UST: variants seen among roughly 807,000 people sequenced by gnomAD.
UST encodes uronyl 2-sulfotransferase, also known as chondroitin sulfate 2-O-sulfotransferase.
UST carries 21 observed loss-of-function variants against 45.6 expected under a neutral mutation model. The ratio of observed to expected loss-of-function variants is 0.46; its 90% CI spans 0.33 to 0.66. The LOEUF (loss-of-function observed/expected upper bound fraction) is 0.66, where lower values mean the gene tolerates loss of function less well. Ranked by LOEUF, UST falls within the 30% of genes least tolerant of loss-of-function variation. The pLI is 0.02. For synonymous variants in UST, 215 were observed against 200.6 expected, an observed-to-expected ratio of 1.07 and a Z score of -0.61; for missense variants, 463 against 512.4, an observed-to-expected ratio of 0.90 and a Z score of 0.93.
intron 1 of UST, among the ~76,000 whole-genome samples, chr6:148,787,196 T>C (rs1039682941): frequency 7.2e-5 from 11 of 152,268 alleles, no homozygotes; most frequent in African/African-American, 2.2e-4. Context: ...GTGCAGAAGC[T>C]CTTTAGTTTA....
chr6:148,870,034 C>T (rs1778517999), intron 1 of UST, among the ~76,000 whole-genome samples: 1 of 151,800 alleles, frequency 6.6e-6, no homozygotes, highest in South Asian at 2.1e-4. Context: ...CCAAGGCCTA[C>T]TTAGTCCTCA....
At chr6:148,853,067 T>C (rs527822966) in intron 1 of UST, among the ~76,000 whole-genome samples, 7 of 152,234 alleles carry the variant, frequency 4.6e-5, no homozygotes, top group Admixed American at 2.6e-4. Flanking sequence ...ATCACGTAGG[T>C]ATTAAGCCCC....
At chr6:148,754,309 A>T (rs969824106) in intron 1 of UST, among the ~76,000 whole-genome samples, 12 of 152,086 alleles carry the variant, frequency 7.9e-5, no homozygotes, top group Non-Finnish European at 1.6e-4. Flanking sequence ...GATTTTCTTT[A>T]AAAAATTTAT....
At chr6:148,875,274 A>G (rs1778626219) in intron 1 of UST, among the ~76,000 whole-genome samples, 1 of 152,252 alleles carries the variant, frequency 6.6e-6, no homozygotes, top group African/African-American at 2.4e-5. Context: ...CTTCAGAGTC[A>G]AGAATAAATT....
rs548499601 is a variant in UST, at chr6:149,017,204, C to T, written c.682-1935C>T. ...TATCGTGGCTAACACGGTGAAACCC[C>T]ATCTCTACTAAAAATACAAAAAATT... On this transcript the variant is annotated intron_variant, in intron 5 of 7. Coordinates refer to ENST00000367463, the MANE Select transcript of UST (RefSeq NM_005715.3). Among the ~76,000 whole-genome samples the T allele has an allele frequency of 3.9e-5, 6 of 152,152 alleles. No individual in the cohort carries two copies. The South Asian group carries it at 1.2e-3, about 32-fold the overall frequency.
chr6:148,766,862 T>G (rs897242412), intron 1 of UST, among the ~76,000 whole-genome samples: 2 of 152,230 alleles, frequency 1.3e-5, no homozygotes, highest in Non-Finnish European at 2.9e-5. Context: ...GAGTTTTGTT[T>G]GTGCAGTAAA....
At chr6:148,815,406 G>A (rs954229889) in intron 1 of UST, among the ~76,000 whole-genome samples, 38 of 152,164 alleles carry the variant, frequency 2.5e-4, no homozygotes, top group Non-Finnish European at 4.0e-4. Context: ...GTTGGAATAA[G>A]GCCTGGGGAA....
chr6:149,057,543 G>A (rs982200690), intron 7 of UST, among the ~76,000 whole-genome samples: 26 of 152,264 alleles, frequency 1.7e-4, no homozygotes, highest in Non-Finnish European at 3.1e-4. Flanking sequence ...ATTGACCTTA[G>A]GGAAACAAGC....
At chr6:149,004,279 A>C (rs1289085113) in intron 5 of UST, among the ~76,000 whole-genome samples, 2 of 152,196 alleles carry the variant, frequency 1.3e-5, no homozygotes, top group African/African-American at 4.8e-5. Flanking sequence ...CAGAAGGGAG[A>C]GGAAGAAGAA....
intron 7 of UST, among the ~76,000 whole-genome samples, chr6:149,051,135 C>T (rs188324285): frequency 6.6e-6 from 1 of 152,332 alleles, no homozygotes; most frequent in East Asian, 1.9e-4. Context: ...GGGCCACAGA[C>T]CAGCATCGAC....
At chr6:148,997,226 C>T (rs894123059) in intron 5 of UST, among the ~76,000 whole-genome samples, 2 of 152,140 alleles carry the variant, frequency 1.3e-5, no homozygotes, top group African/African-American at 4.8e-5. Flanking sequence ...ATCTCAAATA[C>T]CAGCATAATA....
intron 7 of UST, among the ~76,000 whole-genome samples, chr6:149,049,925 T>TCACACACACACA (rs1368206282): frequency 3.3e-4 from 43 of 128,718 alleles, no homozygotes; most frequent in African/African-American, 1.2e-3. Flanking sequence ...TCTCTCTCTC[T>TCACACACACACA]CTCTCTCACA....
intron 1 of UST, among the ~76,000 whole-genome samples, chr6:148,834,110 T>C (rs906998885): frequency 2.6e-5 from 4 of 152,194 alleles, no homozygotes; most frequent in Admixed American, 6.5e-5. Flanking sequence ...GTTTAACAGA[T>C]TTTAAAGACT....
At chr6:148,755,860 A>T (rs1183087261) in intron 1 of UST, among the ~76,000 whole-genome samples, 2 of 152,118 alleles carry the variant, frequency 1.3e-5, no homozygotes, top group Non-Finnish European at 2.9e-5. Context: ...AAAAATGGTA[A>T]TATTTTTTAA....
chr6:149,054,738 T>C (rs553863600), intron 7 of UST, among the ~76,000 whole-genome samples: 1 of 152,238 alleles, frequency 6.6e-6, no homozygotes, highest in South Asian at 2.1e-4. Flanking sequence ...CATTGTTCAG[T>C]GGGTCAGAAA....
At chr6:148,751,460 T>C (rs1775990094) in intron 1 of UST, among the ~76,000 whole-genome samples, 1 of 152,256 alleles carries the variant, frequency 6.6e-6, no homozygotes, top group African/African-American at 2.4e-5. Context: ...CTGATGATGC[T>C]TTCTCTTCCC....
At chr6:148,868,300 C>A (rs1021326521) in intron 1 of UST, among the ~76,000 whole-genome samples, 1 of 152,182 alleles carries the variant, frequency 6.6e-6, no homozygotes, top group African/African-American at 2.4e-5. Context: ...TTGGAATTCA[C>A]GAATGTGTTT....
intron 7 of UST, among the ~76,000 whole-genome samples, chr6:149,058,009 A>G (rs796618748): frequency 3.3e-5 from 5 of 152,360 alleles, no homozygotes; most frequent in African/African-American, 1.2e-4. Context: ...GTATGTTTAT[A>G]TGGGTACATC....
intron 1 of UST, among the ~76,000 whole-genome samples, chr6:148,815,551 AT>A (rs1777338645): frequency 6.6e-6 from 1 of 152,158 alleles, no homozygotes; most frequent in Non-Finnish European, 1.5e-5. Flanking sequence ...CTCAATAAAT[AT>A]TTGTTAACTG....
Sources: gnomAD v4.1 joint callset for allele counts (sites outside exome capture counted in the v4.1 genomes callset) on GRCh38, gnomAD v4.1.1 for gene constraint, MANE v1.5 for transcripts, NCBI Gene and HGNC (gene_info 2026-07-23, HGNC 2026-07-21) for gene names.